PTS: variants seen among roughly 807,000 people sequenced by gnomAD.
PTS encodes the protein 6-pyruvoyl tetrahydrobiopterin synthase.
PTS carries 23 observed loss-of-function variants against 20.6 expected under a neutral mutation model. The ratio of observed to expected loss-of-function variants is 1.12; its 90% CI spans 0.80 to 1.58. The LOEUF (loss-of-function observed/expected upper bound fraction) is 1.58, where lower values mean the gene tolerates loss of function less well. PTS is among the 40% of genes most tolerant of loss of function. PTS has a pLI of 0.00. For missense variants in PTS, 186 were observed against 182.4 expected (o/e 1.02, Z -0.11); for synonymous variants, 65 against 62.5 (o/e 1.04, Z -0.19).
chr11:112,228,737 A>T, intron 2 of PTS, 64 bp downstream of exon 2: 1 of 1,433,540 alleles, frequency 7.0e-7, no homozygotes, highest in Non-Finnish European at 9.8e-7. Flanking sequence ...CAGCAAATGT[A>T]GACATAAAGA....
chr11:112,226,608 T>C, intron 1 of PTS, 82 bp downstream of exon 1: 3 of 1,302,626 alleles, frequency 2.3e-6, no homozygotes, highest in Non-Finnish European at 3.1e-6. Context: ...GCGGGCGTGC[T>C]GACGTCGGGC....
chr11:112,230,139 A>G, intron 2 of PTS, 69 bp from the exon 3 acceptor site: 2 of 1,448,822 alleles, frequency 1.4e-6, no homozygotes, highest in Non-Finnish European at 1.9e-6. Context: ...GTATGTTGCT[A>G]ACTTGTGCTT....
intron 1 of PTS, among the ~76,000 whole-genome samples, chr11:112,226,825 T>C (rs952219993): frequency 6.6e-6 from 1 of 151,630 alleles, no homozygotes; most frequent in African/African-American, 2.4e-5. Context: ...CGAAGAAACG[T>C]CTCTGCCCCT....
rs104894275 is a variant in PTS at position 112,228,665 on chromosome 11, A to G, written c.155A>G (p.Asn52Ser). 27 of 1,612,244 alleles carry G rather than the reference A, an allele frequency of 1.7e-5. No homozygotes were observed. The East Asian group carries it at 4.0e-4, about 24-fold the overall frequency. The part of the protein sequence containing the change: ...KCNNPNGHGH[N>S]YKVVVTVHGE... The stretch of plus-strand genomic sequence containing the variant: ...AACAATCCAAATGGCCATGGGCACA[A>G]TTATAAAGGTGAGAGAAAAACTGAT... Residue 52 changes from asparagine (N) to serine (S), a missense_variant, in exon 2 of 6, where the codon AAT (asparagine) becomes AGT (serine). Transcript: ENST00000280362.
chr11:112,230,751 C>G (rs1448776733), intron 4 of PTS, 69 bp downstream of exon 4: 2 of 1,307,284 alleles, frequency 1.5e-6, no homozygotes, highest in East Asian at 4.6e-5. Context: ...CCCTATCTAC[C>G]TCCCCAACCA....
chr11:112,233,836 G>A lies in PTS; in HGVS notation c.*281G>A, dbSNP rs1040516077. Reference sequence around the variant, plus strand: ...TGTTTTGGTGTGGGATTATTTGAAAGCAAAAGAAATCTAATTTTGTTTTCT... The same window carrying A: ...TGTTTTGGTGTGGGATTATTTGAAAACAAAAGAAATCTAATTTTGTTTTCT... On this transcript the variant is annotated 3_prime_UTR_variant, in exon 6 of 6. Coordinates refer to ENST00000280362, the MANE Select transcript of PTS (RefSeq NM_000317.3). 5.0e-5 allele frequency: 12 copies of A among 241,896 alleles called. No individual in the cohort carries two copies. The highest frequency in any genetic ancestry group is 2.7e-4 in the African/African-American group (12 of 44,070). The allele number at this position is 241,896 out of a possible 1,614,324, so 15.0% of individuals were successfully genotyped here. A position where few individuals can be genotyped will look rare whatever the true frequency, so the allele number is the denominator to read the frequency against.
intron 1 of PTS, chr11:112,228,347 G>A (rs927382695): frequency 7.4e-6 from 4 of 540,892 alleles, no homozygotes; most frequent in African/African-American, 3.8e-5. Flanking sequence ...GAACAAGGGG[G>A]TTGAAGTTAA....
chr11:112,231,869 GAGA>G (rs1859940632), intron 4 of PTS, among the ~76,000 whole-genome samples: 3 of 133,122 alleles, frequency 2.3e-5, no homozygotes, highest in African/African-American at 8.3e-5. Flanking sequence ...GGCAGGCGGA[GAGA>G]GAGAGAGAGG....
chr11:112,230,494 A>G (rs962076200), intron 3 of PTS, 132 bp from the exon 4 acceptor site: 2 of 891,528 alleles, frequency 2.2e-6, no homozygotes, highest in Non-Finnish European at 3.7e-6. Context: ...GAGGTCAATG[A>G]TTATCTCTGG....
chr11:112,232,533 A>G (rs1426639795), intron 4 of PTS, among the ~76,000 whole-genome samples: 1 of 152,202 alleles, frequency 6.6e-6, no homozygotes, highest in Admixed American at 6.5e-5. Context: ...GATTTTTTGC[A>G]ATAGCTAAAA....
intron 4 of PTS, among the ~76,000 whole-genome samples, chr11:112,232,046 C>G (rs1031012079): frequency 6.6e-6 from 1 of 152,188 alleles, no homozygotes; most frequent in African/African-American, 2.4e-5. Context: ...GAGGGCTTCT[C>G]TATGCTGTTT....
chr11:112,226,568 G>A lies in PTS; in HGVS notation c.83+42G>A, dbSNP rs200932940. The A allele has an allele frequency of 8.1e-6, 12 of 1,483,154 alleles. No homozygotes were observed. In the African/African-American group the frequency reaches 1.6e-4, roughly 20 times the overall value. The allele number at this position is 1,483,154 out of a possible 1,614,324, so 91.9% of individuals were successfully genotyped here. ...GGTACAGCGGCGGGCGGTGGGCGCC[G>A]GGCCCCGGAACGTCACCGGGGCGGG... On this transcript the variant is annotated intron_variant, in intron 1 of 5. Transcript: ENST00000280362.
In PTS at chr11:112,233,634, G is replaced by T; in HGVS notation, c.*79G>T. The T allele has an allele frequency of 1.3e-6, 2 of 1,597,826 alleles. No homozygotes were observed. On this transcript the variant is annotated 3_prime_UTR_variant, in exon 6 of 6. Coordinates refer to ENST00000280362, the MANE Select transcript of PTS (RefSeq NM_000317.3). The stretch of plus-strand genomic sequence containing the variant: ...TTTTGATCCCCTTGGAATATTAAGA[G>T]GTCAACACGTGATTGTTGTACGTAC...
chr11:112,232,144 C>T (rs1220268807), intron 4 of PTS, among the ~76,000 whole-genome samples: 3 of 151,766 alleles, frequency 2.0e-5, no homozygotes, highest in Admixed American at 1.3e-4. Flanking sequence ...AGAGCTCTAC[C>T]GTGGGGGGAG....
chr11:112,229,372 G>A (rs1859902098), intron 2 of PTS: 1 of 152,064 alleles, frequency 6.6e-6, no homozygotes, highest in Non-Finnish European at 1.5e-5. Context: ...AATGTGTAAA[G>A]CACTGATAAA....
chr11:112,230,460 T>C, intron 3 of PTS, 166 bp from the exon 4 acceptor site: 1 of 797,486 alleles, frequency 1.3e-6, no homozygotes, highest in East Asian at 2.6e-5. Flanking sequence ...AAAGGATGCT[T>C]GAAGTACATG....
Position 112,228,705 on chromosome 11 carries a change from T to C in PTS, c.163+32T>C, listed in dbSNP as rs1272122059. ...GAAAAACTGATGACATTTCAGCCCTTCAATAAGGATGAAAGAGTATTCAGC... is the reference window on the plus strand; with the variant it reads ...GAAAAACTGATGACATTTCAGCCCTCCAATAAGGATGAAAGAGTATTCAGC... On this transcript the variant is annotated intron_variant, in intron 2 of 5. Coordinates refer to ENST00000280362, the MANE Select transcript of PTS (RefSeq NM_000317.3). 5 of 1,555,848 alleles carry C rather than the reference T, an allele frequency of 3.2e-6. No homozygotes were observed. In the East Asian group the frequency reaches 1.1e-4, roughly 35 times the overall value.
intron 5 of PTS, 23 bp downstream of exon 5, chr11:112,233,256 T>C (rs1026533340): frequency 6.2e-7 from 1 of 1,601,758 alleles, no homozygotes; most frequent in Non-Finnish European, 8.6e-7. Flanking sequence ...GTATCTTGCC[T>C]TATGTGGATT....
At chr11:112,233,282 A>G in intron 5 of PTS, 49 bp downstream of exon 5, 1 of 1,573,576 alleles carries the variant, frequency 6.4e-7, no homozygotes, top group South Asian at 1.1e-5. Flanking sequence ...ACAAGAATTG[A>G]TTTGAATACT....
Sources: allele counts gnomAD v4.1 joint callset (sites outside exome capture counted in the v4.1 genomes callset), GRCh38; gene constraint gnomAD v4.1.1; transcripts MANE v1.5; gene names NCBI Gene and HGNC (gene_info 2026-07-23, HGNC 2026-07-21).